Variants in KANSL1L observed in about 807,000 individuals in gnomAD.
KANSL1L encodes KAT8 regulatory NSL complex subunit 1 like.
Under a neutral mutation model 108.6 loss-of-function variants are expected in KANSL1L, and 25 were observed. The observed-to-expected ratio is 0.23, with a 90% CI of 0.17 to 0.32. KANSL1L has a LOEUF of 0.32. Among genes scored for constraint, KANSL1L ranks in the 10% least tolerant of loss-of-function variants. KANSL1L has a pLI of 1.00. For synonymous variants in KANSL1L, 405 were observed against 395.1 expected (o/e 1.03, Z -0.30); for missense variants, 1,137 against 1,125.7 (o/e 1.01, Z -0.14).
chr2:210,075,850 G>T, intron 5 of KANSL1L, 94 bp from the exon 6 acceptor site: 1 of 867,172 alleles, frequency 1.2e-6, no homozygotes, highest in Non-Finnish European at 1.8e-6. Flanking sequence ...AAATTGCCTT[G>T]ATCTATTATG....
intron 5 of KANSL1L, among the ~76,000 whole-genome samples, chr2:210,081,857 A>G (rs1339073135): frequency 6.6e-6 from 1 of 152,238 alleles, no homozygotes; most frequent in Non-Finnish European, 1.5e-5. Context: ...GAAGGCTACA[A>G]GACAACTTTA....
intron 6 of KANSL1L, among the ~76,000 whole-genome samples, chr2:210,069,114 A>G (rs1389639820): frequency 6.6e-6 from 1 of 152,168 alleles, no homozygotes; most frequent in Non-Finnish European, 1.5e-5. Context: ...TTACTTGGAA[A>G]TTTCCTCAGC....
intron 8 of KANSL1L, among the ~76,000 whole-genome samples, chr2:210,031,830 T>C (rs1038096896): frequency 6.6e-6 from 1 of 152,174 alleles, no homozygotes; most frequent in African/African-American, 2.4e-5. Context: ...CTCAGATATA[T>C]AAATCTTGGC....
At chr2:210,169,376 G>T (rs1362009490) in intron 1 of KANSL1L, among the ~76,000 whole-genome samples, 1 of 152,136 alleles carries the variant, frequency 6.6e-6, no homozygotes, top group Non-Finnish European at 1.5e-5. Context: ...ATTTTTCAAA[G>T]AATAATGATA....
chr2:210,058,442 T>C (rs1446238602), intron 6 of KANSL1L, among the ~76,000 whole-genome samples: 4 of 152,186 alleles, frequency 2.6e-5, no homozygotes, highest in Non-Finnish European at 4.4e-5. Context: ...TGCCTCCATT[T>C]GCCTTGTGAT....
At chr2:210,088,648 G>C (rs905373177) in intron 5 of KANSL1L, 8 of 152,654 alleles carry the variant, frequency 5.2e-5, no homozygotes, top group African/African-American at 1.9e-4. Flanking sequence ...GGAGCACTCT[G>C]ATCATCCTCA....
At chr2:210,171,843 G>C (rs1463971495), upstream of KANSL1L, 3 of 152,116 alleles carry the variant, frequency 2.0e-5, no homozygotes, top group African/African-American at 7.2e-5. Flanking sequence ...AGTTTTAAGA[G>C]ATTTCTCACA....
At chr2:210,111,251 C>T (rs2094901890) in intron 3 of KANSL1L, among the ~76,000 whole-genome samples, 1 of 151,516 alleles carries the variant, frequency 6.6e-6, no homozygotes, top group East Asian at 1.9e-4. Context: ...TTTCCATGAC[C>T]TAGGAAACAG....
chr2:210,062,157 G>A (rs1472910274), intron 6 of KANSL1L, among the ~76,000 whole-genome samples: 1 of 152,092 alleles, frequency 6.6e-6, no homozygotes, highest in East Asian at 1.9e-4. Context: ...CATGGGGGTG[G>A]GTCTTTCCTG....
chr2:210,049,120 A>G (rs2094259288), intron 6 of KANSL1L, among the ~76,000 whole-genome samples: 1 of 152,100 alleles, frequency 6.6e-6, no homozygotes, highest in South Asian at 2.1e-4. Flanking sequence ...TTTATGAAGG[A>G]TTTCTAAAAT....
chr2:210,107,536 T>G (rs56046747), intron 3 of KANSL1L, among the ~76,000 whole-genome samples: 1 of 130,462 alleles, frequency 7.7e-6, no homozygotes, highest in South Asian at 2.4e-4. Flanking sequence ...ATATATATAT[T>G]TTTTTTTTTT....
chr2:210,132,571 G>C (rs1229113837), intron 2 of KANSL1L, among the ~76,000 whole-genome samples: 1 of 152,128 alleles, frequency 6.6e-6, no homozygotes, highest in African/African-American at 2.4e-5. Context: ...TAAAAGAAAT[G>C]AGTACAAGCT....
At chr2:210,080,369 A>C (rs538042502) in intron 5 of KANSL1L, 1 of 152,146 alleles carries the variant, frequency 6.6e-6, no homozygotes, top group Non-Finnish European at 1.5e-5. Flanking sequence ...TTTTAATCTG[A>C]GAAATTCAAG....
chr2:210,172,259 T>C (rs1688378279), upstream of KANSL1L, among the ~76,000 whole-genome samples: 1 of 152,192 alleles, frequency 6.6e-6, no homozygotes, highest in South Asian at 2.1e-4. Context: ...TGTAGCTTCT[T>C]AGATGTTGTA....
In KANSL1L at chr2:210,095,927, TAA is replaced by T. The variant is rs1196359083; in HGVS notation, c.1550+2157_1550+2158del. Among the ~76,000 whole-genome samples, 4 of 152,156 alleles carry T rather than the reference TAA, an allele frequency of 2.6e-5. No homozygotes were observed. In the East Asian group the frequency reaches 5.8e-4, roughly 22 times the overall value. On this transcript the variant is annotated intron_variant, in intron 5 of 14. Transcript: ENST00000281772. ...AACACACATTATGTACCAACTATTT[TAA>T]AAAGAGTTCATTGTTGCCAAAAATG...
chr2:210,052,448 T>C (rs1440127858), intron 6 of KANSL1L, among the ~76,000 whole-genome samples: 2 of 152,236 alleles, frequency 1.3e-5, no homozygotes, highest in African/African-American at 4.8e-5. Context: ...TTCTTGCTGA[T>C]GGCTTTTCCT....
At chr2:210,038,724 G>A (rs949238133) in intron 8 of KANSL1L, among the ~76,000 whole-genome samples, 3 of 151,812 alleles carry the variant, frequency 2.0e-5, no homozygotes, top group Non-Finnish European at 4.4e-5. Context: ...CCAAAGAGTC[G>A]TTATTTAATG....
chr2:210,100,365 C>G (rs1046012026), intron 4 of KANSL1L, among the ~76,000 whole-genome samples: 1 of 152,186 alleles, frequency 6.6e-6, no homozygotes, highest in Non-Finnish European at 1.5e-5. Context: ...GTACTAAAAA[C>G]AAGGTATTAA....
At chr2:210,063,594 G>A (rs1039145725) in intron 6 of KANSL1L, among the ~76,000 whole-genome samples, 1 of 152,226 alleles carries the variant, frequency 6.6e-6, no homozygotes, top group African/African-American at 2.4e-5. Flanking sequence ...ACCTGGGTGT[G>A]AGACATAGAG....
Sources: allele counts gnomAD v4.1 joint callset (sites outside exome capture counted in the v4.1 genomes callset), GRCh38; gene constraint gnomAD v4.1.1; transcripts MANE v1.5; gene names NCBI Gene and HGNC (gene_info 2026-07-23, HGNC 2026-07-21).